The following DOCK1 variants were observed in gnomAD, a reference collection of about 807,000 sequenced individuals.
The protein encoded by DOCK1 is dedicator of cytokinesis protein 1.
A neutral mutation model predicts 262.7 loss-of-function variants in DOCK1; 138 were observed. That is an observed-to-expected ratio of 0.53 (90% CI 0.46 to 0.61). The LOEUF (loss-of-function observed/expected upper bound fraction) is 0.61, where lower values mean the gene tolerates loss of function less well. Among genes scored for constraint, DOCK1 ranks in the 20% least tolerant of loss-of-function variants. The pLI is 0.00. For missense variants in DOCK1, 1,908 were observed against 2,370.7 expected, an observed-to-expected ratio of 0.80 and a Z score of 4.05; for synonymous variants, 866 against 867.4, an observed-to-expected ratio of 1.00 and a Z score of 0.03.
intron 27 of DOCK1, among the ~76,000 whole-genome samples, chr10:127,221,497 G>A (rs1034914192): frequency 6.6e-6 from 1 of 152,188 alleles, no homozygotes; most frequent in African/African-American, 2.4e-5. Flanking sequence ...TTCACTCATG[G>A]TCAGCTCCAG....
intron 27 of DOCK1, among the ~76,000 whole-genome samples, chr10:127,197,695 C>T (rs2057271052): frequency 6.6e-6 from 1 of 152,156 alleles, no homozygotes; most frequent in African/African-American, 2.4e-5. Flanking sequence ...GGCAGTGAGA[C>T]CTCTTTGCCT....
At position 126,951,625 on chromosome 10, in the gene DOCK1, TTGG is replaced by T. The variant is rs1228072192; in HGVS notation, c.47-19072_47-19070del. Among the ~76,000 whole-genome samples the T allele has an allele frequency of 2.2e-4, 34 of 151,268 alleles. No homozygotes were observed. The East Asian group carries it at 6.2e-3, about 28-fold the overall frequency. ...TTTGGTAGTGTTGGTGGTGGTATTG[TTGG>T]TGGTAGTATTGTTGTTTGTAGTATT... On this transcript the variant is annotated intron_variant, in intron 1 of 51. Coordinates refer to ENST00000623213, the MANE Select transcript of DOCK1 (RefSeq NM_001290223.2).
At chr10:126,950,504 A>G (rs988818970) in intron 1 of DOCK1, among the ~76,000 whole-genome samples, 5 of 152,122 alleles carry the variant, frequency 3.3e-5, no homozygotes, top group Non-Finnish European at 5.9e-5. Context: ...AATAAGGGCA[A>G]TGGGGCCTTT....
intron 48 of DOCK1, among the ~76,000 whole-genome samples, chr10:127,435,514 G>T (rs879784121): frequency 5.9e-5 from 9 of 152,182 alleles, no homozygotes; most frequent in Non-Finnish European, 1.2e-4. Flanking sequence ...CAATTTAGAG[G>T]TATTTAAATC....
intron 32 of DOCK1, among the ~76,000 whole-genome samples, chr10:127,358,262 A>C (rs1259424589): frequency 2.6e-5 from 4 of 152,092 alleles, no homozygotes; most frequent in Non-Finnish European, 5.9e-5. Flanking sequence ...CAGAGCAAGG[A>C]TCTGGGGTCT....
rs530803380 is a variant in DOCK1 at position 127,075,571 on chromosome 10, C to T, written c.2445+13795C>T. Reference sequence around the variant, plus strand: ...TTGACTCACAGTTCCACAGGTTTAACGGAAGCATGATTAGGAGACCTCAGG... The same window carrying T: ...TTGACTCACAGTTCCACAGGTTTAATGGAAGCATGATTAGGAGACCTCAGG... On this transcript the variant is annotated intron_variant, in intron 23 of 51. Transcript: ENST00000623213. 5.1e-4 allele frequency among the ~76,000 whole-genome samples: 78 copies of T among 152,200 alleles called. No individual in the cohort carries two copies. The Middle Eastern group carries it at 0.01, about 20-fold the overall frequency.
chr10:127,156,015 TC>T (rs975398993), intron 27 of DOCK1, among the ~76,000 whole-genome samples: 4 of 152,182 alleles, frequency 2.6e-5, no homozygotes, highest in African/African-American at 9.6e-5. Flanking sequence ...GCTAGTCATA[TC>T]CAAATTTTAG....
intron 29 of DOCK1, among the ~76,000 whole-genome samples, chr10:127,333,928 G>T (rs1259227562): frequency 1.3e-5 from 2 of 152,174 alleles, no homozygotes; most frequent in Non-Finnish European, 2.9e-5. Context: ...AAAACCTGTA[G>T]GTTCAAAGTT....
chr10:127,206,894 G>A (rs1292540840), intron 27 of DOCK1, among the ~76,000 whole-genome samples: 1 of 152,134 alleles, frequency 6.6e-6, no homozygotes, highest in Non-Finnish European at 1.5e-5. Flanking sequence ...TACGTCTGAA[G>A]GTCTTTTTCA....
At chr10:127,449,812 A>G (rs1429333633) in intron 51 of DOCK1, among the ~76,000 whole-genome samples, 1 of 152,118 alleles carries the variant, frequency 6.6e-6, no homozygotes, top group African/African-American at 2.4e-5. Flanking sequence ...CTCTGTCTTT[A>G]GTTGTTGCCA....
intron 29 of DOCK1, among the ~76,000 whole-genome samples, chr10:127,306,014 G>GTTT (rs534023263): frequency 5.3e-5 from 7 of 131,598 alleles, no homozygotes; most frequent in Non-Finnish European, 9.7e-5. Flanking sequence ...TTTTTTCCTG[G>GTTT]TTTTTTTTTT....
chr10:127,095,139 C>T (rs906923804), intron 23 of DOCK1, among the ~76,000 whole-genome samples: 5 of 152,224 alleles, frequency 3.3e-5, no homozygotes, highest in African/African-American at 1.2e-4. Flanking sequence ...TTAAGGAGAG[C>T]ACCCTGGCTC....
chr10:127,166,125 G>T (rs572903048), intron 27 of DOCK1, among the ~76,000 whole-genome samples: 1 of 152,070 alleles, frequency 6.6e-6, no homozygotes, highest in African/African-American at 2.4e-5. Flanking sequence ...GAGTGCAGGG[G>T]CACAATCTCG....
chr10:127,041,069 C>T (rs1009366847), intron 19 of DOCK1, among the ~76,000 whole-genome samples: 6 of 152,098 alleles, frequency 3.9e-5, no homozygotes, highest in Admixed American at 2.0e-4. Flanking sequence ...TTATTCATGC[C>T]GTAGTGACTA....
chr10:127,367,545 C>A (rs1299190940), intron 33 of DOCK1, among the ~76,000 whole-genome samples: 1 of 152,074 alleles, frequency 6.6e-6, no homozygotes, highest in East Asian at 1.9e-4. Flanking sequence ...AGGCTCCAGG[C>A]TGAAGGTCCC....
intron 1 of DOCK1, among the ~76,000 whole-genome samples, chr10:126,916,684 T>C (rs899819683): frequency 6.6e-6 from 1 of 151,586 alleles, no homozygotes; most frequent in Non-Finnish European, 1.5e-5. Flanking sequence ...CTCCTTCCTT[T>C]CCTCCTTCCT....
chr10:127,304,569 C>T (rs889059127), intron 29 of DOCK1, among the ~76,000 whole-genome samples: 4 of 151,940 alleles, frequency 2.6e-5, no homozygotes, highest in African/African-American at 9.7e-5. Flanking sequence ...TACCACATAC[C>T]TTGTATTTTA....
chr10:127,003,532 C>G (rs2040758019), intron 10 of DOCK1, among the ~76,000 whole-genome samples: 1 of 152,218 alleles, frequency 6.6e-6, no homozygotes, highest in African/African-American at 2.4e-5. Flanking sequence ...CCTGGCTCCA[C>G]TACATGCCCT....
chr10:127,268,495 C>T (rs1343816119), intron 29 of DOCK1, among the ~76,000 whole-genome samples: 1 of 78,042 alleles, frequency 1.3e-5, no homozygotes, highest in East Asian at 4.1e-4. Context: ...CAGACCGAGA[C>T]TCCACCTCAA....
Sources: gnomAD v4.1 joint callset for allele counts (sites outside exome capture counted in the v4.1 genomes callset) on GRCh38, gnomAD v4.1.1 for gene constraint, MANE v1.5 for transcripts, NCBI Gene and HGNC (gene_info 2026-07-23, HGNC 2026-07-21) for gene names.